The following CCDC180 variants were observed in gnomAD, a reference collection of about 807,000 sequenced individuals.
CCDC180 encodes coiled-coil domain-containing protein 180.
Under a neutral mutation model 209.2 loss-of-function variants are expected in CCDC180, and 154 were observed. The observed-to-expected ratio is 0.74, with a 90% CI of 0.65 to 0.84. CCDC180 has a LOEUF of 0.84. CCDC180 is among the 40% of genes least tolerant of loss of function. The pLI is 0.00. For missense variants in CCDC180, 1,874 were observed against 1,997.3 expected, an observed-to-expected ratio of 0.94 and a Z score of 1.18; for synonymous variants, 778 against 749.1, an observed-to-expected ratio of 1.04 and a Z score of -0.63.
intron 24 of CCDC180, among the ~76,000 whole-genome samples, chr9:97,356,740 C>T (rs893004908): frequency 1.3e-4 from 20 of 152,244 alleles, no homozygotes; most frequent in African/African-American, 4.8e-4. Flanking sequence ...ACAGGGGTTG[C>T]ATTTCAAAAT....
At position 97,371,619 on chromosome 9, in the gene CCDC180, G is replaced by A. The variant is rs763546269; in HGVS notation, c.4513G>A (p.Val1505Ile). Reference protein sequence around the residue: ...LEECTRRNGQVFITNLATFTE... With the variant: ...LEECTRRNGQIFITNLATFTE... ...GGAATGTACCAGAAGGAATGGCCAG[G>A]TTTTCATAACCAACTTGGCCACCTT... The change falls in exon 34 of 37, where the codon GTT (valine) becomes ATT (isoleucine). Residue 1505 changes from valine to isoleucine, a missense_variant. Transcript: ENST00000529487. 17 of 1,606,646 alleles carry A rather than the reference G, an allele frequency of 1.1e-5. No homozygotes were observed. Among genetic ancestry groups the A allele is most frequent in the Non-Finnish European group, 1.4e-5 (16 of 1,174,014 alleles).
chr9:97,372,504 A>G (rs1827130100), intron 34 of CCDC180: 1 of 152,234 alleles, frequency 6.6e-6, no homozygotes, highest in Non-Finnish European at 1.5e-5. Flanking sequence ...TATATGTTCA[A>G]AAATGTTCAC....
At chr9:97,334,791 C>T (rs962461536) in intron 18 of CCDC180, among the ~76,000 whole-genome samples, 3 of 152,184 alleles carry the variant, frequency 2.0e-5, no homozygotes, top group East Asian at 1.9e-4. Flanking sequence ...ATAGTCTACT[C>T]GTTAGACTTT....
chr9:97,361,964 C>A, intron 27 of CCDC180, 66 bp downstream of exon 27: 3 of 1,560,624 alleles, frequency 1.9e-6, no homozygotes, highest in Non-Finnish European at 2.6e-6. Flanking sequence ...CCTTCAGGGA[C>A]CAGCTTTGGG....
At chr9:97,373,733 A>G (rs1201976228) in intron 34 of CCDC180, 3 of 152,220 alleles carry the variant, frequency 2.0e-5, no homozygotes, top group Admixed American at 6.5e-5. Flanking sequence ...GCATCTCTAG[A>G]GCAACAGACT....
At chr9:97,331,002 A>G (rs1244873667) in intron 18 of CCDC180, among the ~76,000 whole-genome samples, 1 of 152,166 alleles carries the variant, frequency 6.6e-6, no homozygotes, top group Non-Finnish European at 1.5e-5. Flanking sequence ...TTTGATTTAC[A>G]GATAATTTTG....
chr9:97,366,546 C>G lies in CCDC180; in HGVS notation c.4048-13C>G. On this transcript the variant is annotated splice_polypyrimidine_tract_variant and intron_variant, in intron 30 of 36. Transcript: ENST00000529487. The surrounding 1 kb of genome is among the most constrained non-coding windows in gnomAD (Gnocchi z 4.3). ...TGGAGTCCTCACCCGCACATGGTCA[C>G]CCTCTCTGGCAGGAGTTCTACCGTA... The G allele has an allele frequency of 6.2e-7, 1 of 1,613,282 alleles. No homozygotes were observed. The highest frequency in any genetic ancestry group is 8.5e-7 in the Non-Finnish European group (1 of 1,179,582).
At chr9:97,322,114 G>A (rs1430598783) in intron 11 of CCDC180, among the ~76,000 whole-genome samples, 1 of 152,048 alleles carries the variant, frequency 6.6e-6, no homozygotes, top group African/African-American at 2.4e-5. Flanking sequence ...GCCCATCACA[G>A]TGGCCTCACA....
At chr9:97,344,943 G>A (rs942997705) in intron 19 of CCDC180, among the ~76,000 whole-genome samples, 1 of 151,914 alleles carries the variant, frequency 6.6e-6, no homozygotes, top group African/African-American at 2.4e-5. Flanking sequence ...AGTTTATTTT[G>A]CTTATTTTTT....
chr9:97,317,236 C>A lies in CCDC180; in HGVS notation c.959+8C>A. ...CCTGCTGCAGAGTTTCAGGTCAGTG[C>A]CGCCCACACAGCTCCTTCTCCAGCC... On this transcript the variant is annotated splice_region_variant and intron_variant, in intron 9 of 36. Transcript: ENST00000529487. The A allele has an allele frequency of 6.4e-7, 1 of 1,563,694 alleles. No homozygotes were observed. The highest frequency in any genetic ancestry group is 8.7e-7 in the Non-Finnish European group (1 of 1,146,140).
intron 19 of CCDC180, chr9:97,345,462 T>C: frequency 2.9e-6 from 1 of 339,976 alleles, no homozygotes; most frequent in South Asian, 2.4e-5. Context: ...ATGAGTATGA[T>C]ATTGTATACC....
chr9:97,318,614 G>A, intron 10 of CCDC180, 32 bp downstream of exon 10: 2 of 1,605,420 alleles, frequency 1.2e-6, no homozygotes, highest in Non-Finnish European at 1.7e-6. Flanking sequence ...CAGGAGGGGT[G>A]CTTCTTGGGG....
At chr9:97,371,042 C>G (rs1158582017) in intron 33 of CCDC180, 1 of 201,994 alleles carries the variant, frequency 5.0e-6, no homozygotes, top group East Asian at 1.2e-4. Context: ...CGGCTCACTG[C>G]AAGCTCCGCT....
chr9:97,355,193 C>T (rs1826543786), intron 24 of CCDC180, among the ~76,000 whole-genome samples, 185 bp downstream of exon 24: 1 of 151,922 alleles, frequency 6.6e-6, no homozygotes, highest in South Asian at 2.1e-4. Flanking sequence ...CTTGCTTTGT[C>T]ACTCAGGCTG....
chr9:97,364,169 T>C (rs772205944), intron 29 of CCDC180, 41 bp downstream of exon 29: 19 of 1,595,572 alleles, frequency 1.2e-5, no homozygotes, highest in Non-Finnish European at 1.5e-5. Context: ...ATTTAACCTG[T>C]TTTGGGTTGC....
intron 25 of CCDC180, 148 bp downstream of exon 25, chr9:97,357,873 C>T (rs1587826301): frequency 3.4e-6 from 2 of 589,310 alleles, no homozygotes; most frequent in African/African-American, 1.9e-5. Flanking sequence ...CCTACTTAAC[C>T]CCTGTTTCAT....
intron 15 of CCDC180, 105 bp from the exon 16 acceptor site, chr9:97,327,915 A>C: frequency 8.1e-7 from 1 of 1,235,890 alleles, no homozygotes; most frequent in South Asian, 1.6e-5. Flanking sequence ...GAGCAGCCAC[A>C]CAGCAGCTCT....
Position 97,364,126 on chromosome 9 carries a change from C to T in CCDC180, c.3978C>T (p.Ala1326=), listed in dbSNP as rs149708666. The change falls in exon 29 of 37, where the codon GCC becomes GCT. Residue 1326 remains alanine (A), a splice_region_variant and synonymous_variant. Transcript: ENST00000529487. ...TTGGGGACAAGCCTCCCCCTGCTGC[C>T]GAGTGAGTAACAACGCCTTTCCTTT... is the stretch of plus-strand genomic sequence containing the variant. The part of the protein sequence containing the change: ...RVLGDKPPPA[A]EDFKGIILTL... 44 of 1,613,856 alleles carry T rather than the reference C, an allele frequency of 2.7e-5. No homozygotes were observed. The highest frequency in any genetic ancestry group is 3.4e-5 in the Non-Finnish European group (40 of 1,179,942).
chr9:97,314,693 G>C lies in CCDC180; in HGVS notation c.664G>C (p.Ala222Pro). The C allele has an allele frequency of 1.9e-6, 3 of 1,614,058 alleles. No homozygotes were observed. The highest frequency in any genetic ancestry group is 2.5e-6 in the Non-Finnish European group (3 of 1,180,014). ...GCAGGAGATTAAGGAGCTGGATGAGGCCCTGCACTCGCTGGAGTTCTCCCG... is the reference window on the plus strand; with the variant it reads ...GCAGGAGATTAAGGAGCTGGATGAGCCCCTGCACTCGCTGGAGTTCTCCCG... Reference protein sequence around the residue: ...RKQEIKELDEALHSLEFSRTD... With the variant: ...RKQEIKELDEPLHSLEFSRTD... Residue 222 changes from alanine (A) to proline (P), a missense_variant, in exon 7 of 37, where the codon GCC (alanine) becomes CCC (proline). Physicochemically the swap from Ala to Pro is conservative, Grantham distance 27. Transcript: ENST00000529487.
Sources: allele counts gnomAD v4.1 joint callset (sites outside exome capture counted in the v4.1 genomes callset), GRCh38; gene constraint gnomAD v4.1.1; non-coding constraint Gnocchi (gnomAD v3.1); transcripts MANE v1.5; gene names NCBI Gene and HGNC (gene_info 2026-07-23, HGNC 2026-07-21).